The following PACRG variants were observed in gnomAD, a reference collection of about 807,000 sequenced individuals.
The protein encoded by PACRG is parkin coregulated.
Under a neutral mutation model 29.7 loss-of-function variants are expected in PACRG, and 29 were observed. The ratio of observed to expected loss-of-function variants is 0.98; its 90% CI spans 0.73 to 1.33. PACRG has a LOEUF of 1.33. Among genes scored for constraint, PACRG ranks in the 40% most tolerant of loss-of-function variants. PACRG has a pLI of 0.00. For synonymous variants in PACRG, 116 were observed against 118.7 expected (o/e 0.98, Z 0.15); for missense variants, 279 against 316.2 (o/e 0.88, Z 0.89).
rs1419876679 is a variant in PACRG at position 163,118,451 on chromosome 6, T to C, written c.613+29043T>C. Among the ~76,000 whole-genome samples, 3 of 152,152 alleles carry C rather than the reference T, an allele frequency of 2.0e-5. No homozygotes were observed. The East Asian group carries it at 5.8e-4, about 29-fold the overall frequency. ...TAAGGTGTGATAGAACATTACTAAT[T>C]AAACACAAAAAAATATTTTTTAAGC... is the stretch of plus-strand genomic sequence containing the variant. On this transcript the variant is annotated intron_variant, in intron 4 of 4. Coordinates refer to ENST00000366888, the MANE Select transcript of PACRG (RefSeq NM_001080379.2).
At chr6:163,213,306 G>GAA (rs56408737) in intron 4 of PACRG, among the ~76,000 whole-genome samples, 29,045 of 148,742 alleles carry the variant, frequency 0.2, 3,623 homozygotes, top group East Asian at 0.52. Context: ...GAAAGTCAAG[G>GAA]AAAAAAAAAA....
chr6:163,088,441 T>A (rs923164465), intron 3 of PACRG, among the ~76,000 whole-genome samples: 3 of 152,156 alleles, frequency 2.0e-5, no homozygotes, highest in Non-Finnish European at 4.4e-5. Context: ...CAGGCTCCCA[T>A]GATTGAAGAA....
intron 2 of PACRG, among the ~76,000 whole-genome samples, chr6:162,977,914 G>A (rs1457182000): frequency 6.6e-6 from 1 of 152,140 alleles, no homozygotes; most frequent in East Asian, 1.9e-4. Flanking sequence ...GAGGCCGAGG[G>A]AGGCAGATCA....
intron 1 of PACRG, among the ~76,000 whole-genome samples, chr6:162,745,806 G>C (rs1194736619): frequency 6.6e-6 from 1 of 152,058 alleles, no homozygotes; most frequent in Non-Finnish European, 1.5e-5. Context: ...CTTAGGGAGA[G>C]ATTTATTTTT....
intron 4 of PACRG, among the ~76,000 whole-genome samples, chr6:163,137,234 C>T (rs1816971701): frequency 1.3e-5 from 2 of 152,090 alleles, no homozygotes; most frequent in Admixed American, 1.3e-4. Flanking sequence ...TCTCCCCATT[C>T]TTTCCAATGT....
At chr6:162,872,986 A>C (rs1792956828) in intron 2 of PACRG, among the ~76,000 whole-genome samples, 1 of 152,190 alleles carries the variant, frequency 6.6e-6, no homozygotes, top group Admixed American at 6.5e-5. Flanking sequence ...AAAATTACTC[A>C]GTTAAGAAGT....
At chr6:163,056,346 A>C (rs1468182253) in intron 2 of PACRG, among the ~76,000 whole-genome samples, 1 of 152,246 alleles carries the variant, frequency 6.6e-6, no homozygotes, top group Non-Finnish European at 1.5e-5. Context: ...CCAAATGTCC[A>C]TCTGCGAATT....
Position 162,886,752 on chromosome 6 carries a change from C to G in PACRG, c.291+72471C>G, listed in dbSNP as rs866426634. Among the ~76,000 whole-genome samples, 99 of 152,002 alleles carry G rather than the reference C, an allele frequency of 6.5e-4. 2 individuals carry two copies. The highest frequency in any genetic ancestry group is 1.0e-4 in the Non-Finnish European group (7 of 68,008). ...AGAGGAGAGTGTGTCAGTATCTCTTCTAAGTATTAGACACATTCATTTGCT... is the reference window on the plus strand; with the variant it reads ...AGAGGAGAGTGTGTCAGTATCTCTTGTAAGTATTAGACACATTCATTTGCT... On this transcript the variant is annotated intron_variant, in intron 2 of 4. Transcript: ENST00000366888.
At chr6:162,961,458 A>G (rs1800611524) in intron 2 of PACRG, among the ~76,000 whole-genome samples, 1 of 152,156 alleles carries the variant, frequency 6.6e-6, no homozygotes, top group Non-Finnish European at 1.5e-5. Flanking sequence ...TTGTATTTCT[A>G]TCAGAGCTGC....
At chr6:163,162,976 C>A (rs559640599) in intron 4 of PACRG, among the ~76,000 whole-genome samples, 40 of 152,218 alleles carry the variant, frequency 2.6e-4, no homozygotes, top group Admixed American at 7.2e-4. Flanking sequence ...AGAGACCACA[C>A]AGCAAGGCAA....
chr6:163,175,778 A>AGGAGGAGGC (rs1199806967), intron 4 of PACRG, among the ~76,000 whole-genome samples: 2 of 151,332 alleles, frequency 1.3e-5, no homozygotes, highest in African/African-American at 4.9e-5. Context: ...GAGGAGGAGG[A>AGGAGGAGGC]GGAGCTCTGC....
chr6:162,823,415 T>C (rs199921394), intron 2 of PACRG, among the ~76,000 whole-genome samples: 2 of 152,116 alleles, frequency 1.3e-5, no homozygotes, highest in Non-Finnish European at 2.9e-5. Context: ...ACATGTAGAT[T>C]ATACATTTAT....
chr6:163,065,647 C>T lies in PACRG; in HGVS notation c.463+3326C>T, dbSNP rs755983717. 2.9e-4 allele frequency among the ~76,000 whole-genome samples: 44 copies of T among 152,270 alleles called. 1 individual carries two copies. Among genetic ancestry groups the T allele is most frequent in the South Asian group, 8.3e-4 (4 of 4,828 alleles). ...AAAAGAATACCTCAACAACATCTGG[C>T]ATATGAACCAGAAGAAACTTGTAGA... On this transcript the variant is annotated intron_variant, in intron 3 of 4. Transcript: ENST00000366888.
intron 1 of PACRG, among the ~76,000 whole-genome samples, chr6:162,760,571 C>T (rs1052975298): frequency 2.0e-5 from 3 of 152,020 alleles, no homozygotes; most frequent in Admixed American, 1.3e-4. Context: ...CAGGCAAAGC[C>T]GATGGGGGTG....
chr6:163,196,920 TAGAC>T (rs1231764966), intron 4 of PACRG, among the ~76,000 whole-genome samples: 8 of 118,574 alleles, frequency 6.7e-5, no homozygotes, highest in Middle Eastern at 7.9e-3. Context: ...ACAGACAGAC[TAGAC>T]AGATAGATAG....
intron 2 of PACRG, among the ~76,000 whole-genome samples, chr6:163,001,736 G>A (rs894737957): frequency 1.3e-4 from 20 of 152,124 alleles, no homozygotes; most frequent in Non-Finnish European, 2.1e-4. Flanking sequence ...TGGGGCTTAA[G>A]CTGTAGACAG....
chr6:162,778,321 G>T (rs1783812754), intron 1 of PACRG, among the ~76,000 whole-genome samples: 1 of 152,130 alleles, frequency 6.6e-6, no homozygotes, highest in African/African-American at 2.4e-5. Context: ...TACAAGATCT[G>T]GGAATTTGAT....
intron 2 of PACRG, among the ~76,000 whole-genome samples, chr6:163,010,336 AC>A (rs1436606531): frequency 9.8e-5 from 15 of 152,364 alleles, no homozygotes; most frequent in African/African-American, 3.6e-4. Flanking sequence ...CCTCAGAAGC[AC>A]CAGGGAGAAT....
At chr6:162,931,302 G>T (rs60532933) in intron 2 of PACRG, among the ~76,000 whole-genome samples, 16,436 of 151,738 alleles carry the variant, frequency 0.11, 1,190 homozygotes, top group East Asian at 0.26. Context: ...GCCTTTCAAA[G>T]AAAAGATATT....
Sources: gnomAD v4.1 joint callset for allele counts (sites outside exome capture counted in the v4.1 genomes callset) on GRCh38, gnomAD v4.1.1 for gene constraint, MANE v1.5 for transcripts, NCBI Gene and HGNC (gene_info 2026-07-23, HGNC 2026-07-21) for gene names.